Variants in TUBB4A observed in about 807,000 individuals in gnomAD.
TUBB4A encodes tubulin beta 4A class IVa, also known as tubulin beta-4A chain.
In TUBB4A, 13 loss-of-function variants were observed where a neutral mutation model predicts 35.1. The observed-to-expected ratio is 0.37, with a 90% CI of 0.24 to 0.59. TUBB4A has a LOEUF of 0.59. Ranked by LOEUF, TUBB4A falls within the 20% of genes least tolerant of loss-of-function variation. The probability of loss-of-function intolerance (pLI) is 0.71; values close to 1 mark genes in which losing one functional copy is unlikely to be tolerated. For missense variants in TUBB4A, 299 were observed against 647.2 expected (o/e 0.46, Z 5.84); for synonymous variants, 279 against 272.4 (o/e 1.02, Z -0.24).
At position 6,502,303 on chromosome 19, in the gene TUBB4A, G is replaced by A; in HGVS notation, c.-91C>T. On this transcript the variant is annotated 5_prime_UTR_variant, in exon 1 of 4. Coordinates refer to ENST00000264071, the MANE Select transcript of TUBB4A (RefSeq NM_006087.4). ...GGGTGGAAGATGCGGCGGAGACGGC[G>A]GAGCACGGTCCCTGCGCCCCCGGGA... 7.2e-7 allele frequency: 1 copy of A among 1,384,542 alleles called. No individual in the cohort carries two copies. Among genetic ancestry groups the A allele is most frequent in the East Asian group, 2.9e-5 (1 of 34,390 alleles). 85.8% of individuals were successfully genotyped at this position (1,384,542 alleles called of 1,614,324 possible). A position where few individuals can be genotyped will look rare whatever the true frequency, so the allele number is the denominator to read the frequency against.
rs985550961 is a variant in TUBB4A, at chr19:6,501,694, C to A, written c.58-71G>T. Reference sequence around the variant, plus strand: ...GGCCAAGCCGAGGACTGCCCCCAGCCCCCAACTAGCTCCCTAGCTGCCACC... The same window carrying A: ...GGCCAAGCCGAGGACTGCCCCCAGCACCCAACTAGCTCCCTAGCTGCCACC... On this transcript the variant is annotated intron_variant, in intron 1 of 3. Coordinates refer to ENST00000264071, the MANE Select transcript of TUBB4A (RefSeq NM_006087.4). This position sits in a 1 kb window ranked among gnomAD's most constrained non-coding sequence, Gnocchi z 4.2. 7.0e-6 allele frequency: 9 copies of A among 1,280,798 alleles called. No homozygotes were observed. The African/African-American group carries it at 1.3e-4, about 19-fold the overall frequency. 79.3% of individuals were successfully genotyped at this position (1,280,798 alleles called of 1,614,324 possible).
intron 3 of TUBB4A, among the ~76,000 whole-genome samples, chr19:6,497,520 C>T (rs1440108886): frequency 3.3e-5 from 5 of 151,916 alleles, no homozygotes; most frequent in African/African-American, 7.3e-5. Context: ...CCTGCCATGG[C>T]CTCCTAAAGT....
intron 1 of TUBB4A, 101 bp downstream of exon 1, chr19:6,502,055 T>G: frequency 7.5e-7 from 1 of 1,330,860 alleles, no homozygotes; most frequent in Non-Finnish European, 1.0e-6. Flanking sequence ...GGGGACCTCA[T>G]TCCTTTCCAA....
Position 6,495,117 on chromosome 19 carries a change from A to G in TUBB4A, c.*47T>C. 1.2e-6 allele frequency: 2 copies of G among 1,603,066 alleles called. No individual in the cohort carries two copies. Among genetic ancestry groups the G allele is most frequent in the South Asian group, 1.1e-5 (1 of 89,816 alleles). On this transcript the variant is annotated 3_prime_UTR_variant, in exon 4 of 4. Transcript: ENST00000264071. This position sits in a 1 kb window ranked among gnomAD's most constrained non-coding sequence, Gnocchi z 8.7. Reference sequence around the variant, plus strand: ...TCAGAGATGGGGGGCCTAGCGGATCAAAGGTCAGAAGCCTCGAGGGGACAG... The same window carrying G: ...TCAGAGATGGGGGGCCTAGCGGATCGAAGGTCAGAAGCCTCGAGGGGACAG...
At chr19:6,498,654 A>G (rs1239442880) in intron 3 of TUBB4A, among the ~76,000 whole-genome samples, 1 of 152,104 alleles carries the variant, frequency 6.6e-6, no homozygotes, top group Non-Finnish European at 1.5e-5. Flanking sequence ...CCCCCCAGGT[A>G]TTCACCTGAC....
Position 6,495,143 on chromosome 19 carries a change from G to A in TUBB4A, c.*21C>T. On this transcript the variant is annotated 3_prime_UTR_variant, in exon 4 of 4. Coordinates refer to ENST00000264071, the MANE Select transcript of TUBB4A (RefSeq NM_006087.4). This position sits in a 1 kb window ranked among gnomAD's most constrained non-coding sequence, Gnocchi z 8.7. Reference sequence around the variant, plus strand: ...AAGGTCAGAAGCCTCGAGGGGACAGGTGGGAAGCGATGGGAGCAGCCTAGG... The same window carrying A: ...AAGGTCAGAAGCCTCGAGGGGACAGATGGGAAGCGATGGGAGCAGCCTAGG... 1.2e-6 allele frequency: 2 copies of A among 1,612,382 alleles called. No homozygotes were observed. The highest frequency in any genetic ancestry group is 1.7e-4 in the Middle Eastern group (1 of 5,898).
In TUBB4A at chr19:6,496,275, T is replaced by A. The variant is rs539834029; in HGVS notation, c.278-54A>T. ...TGCAGTTATGGGGAGCCCCAACCCT[T>A]GACTCTGTCTCTCCACCACCTGGAG... On this transcript the variant is annotated intron_variant, in intron 3 of 3. Transcript: ENST00000264071. 3.3e-5 allele frequency: 50 copies of A among 1,519,428 alleles called. No homozygotes were observed. In the African/African-American group the frequency reaches 6.5e-4, roughly 20 times the overall value. 94.1% of individuals were successfully genotyped at this position (1,519,428 alleles called of 1,614,324 possible). A position where few individuals can be genotyped will look rare whatever the true frequency, so the allele number is the denominator to read the frequency against.
At chr19:6,499,371 G>T (rs1045766242) in intron 3 of TUBB4A, among the ~76,000 whole-genome samples, 1 of 151,888 alleles carries the variant, frequency 6.6e-6, no homozygotes, top group Non-Finnish European at 1.5e-5. Flanking sequence ...CCAGTGGCTT[G>T]CAGTGTGACT....
chr19:6,495,871 T>C lies in TUBB4A; in HGVS notation c.628A>G (p.Ile210Val). Reference sequence around the variant, plus strand: ...GTCAGCTTGAGGGTGCGGAAACAGATGTCGTAGAGTGCCTCGTTGTCGATG... The same window carrying C: ...GTCAGCTTGAGGGTGCGGAAACAGACGTCGTAGAGTGCCTCGTTGTCGATG... ...YCIDNEALYD[I>V]CFRTLKLTTP... is the part of the protein sequence containing the mutation. The change falls in exon 4 of 4, where the codon ATC becomes GTC. Residue 210 changes from isoleucine (I) to valine (V), a missense_variant. Coordinates refer to ENST00000264071, the MANE Select transcript of TUBB4A (RefSeq NM_006087.4). The surrounding 1 kb of genome is among the most constrained non-coding windows in gnomAD (Gnocchi z 8.7). 1 of 1,614,188 alleles carries C rather than the reference T, an allele frequency of 6.2e-7. No homozygotes were observed. The highest frequency in any genetic ancestry group is 8.5e-7 in the Non-Finnish European group (1 of 1,180,026).
upstream of TUBB4A, chr19:6,502,846 A>C (rs1316629926): frequency 6.6e-6 from 1 of 152,276 alleles, no homozygotes; most frequent in Non-Finnish European, 1.5e-5. Context: ...GAAGCTGCAT[A>C]GTAAAACCAC....
intron 3 of TUBB4A, among the ~76,000 whole-genome samples, chr19:6,499,031 AG>A (rs1317744356): frequency 6.6e-6 from 1 of 152,136 alleles, no homozygotes; most frequent in South Asian, 2.1e-4. Flanking sequence ...GAGCATTAAA[AG>A]TGTGGGCTCA....
chr19:6,496,821 A>G (rs1914223062), intron 3 of TUBB4A, among the ~76,000 whole-genome samples: 1 of 146,276 alleles, frequency 6.8e-6, no homozygotes. Context: ...ACTCCATCTC[A>G]AAAACACACA....
chr19:6,499,342 C>T (rs1325340931), intron 3 of TUBB4A, among the ~76,000 whole-genome samples: 1 of 151,846 alleles, frequency 6.6e-6, no homozygotes, highest in Non-Finnish European at 1.5e-5. Context: ...CAGACCCTCT[C>T]CTCTGGCTCC....
intron 3 of TUBB4A, 197 bp from the exon 4 acceptor site, chr19:6,496,418 A>G (rs982894337): frequency 3.7e-6 from 2 of 547,614 alleles, no homozygotes; most frequent in Non-Finnish European, 6.5e-6. Flanking sequence ...TCACGAGGTC[A>G]GGAGATCGAG....
At chr19:6,498,004 G>A (rs1220919415) in intron 3 of TUBB4A, among the ~76,000 whole-genome samples, 2 of 151,594 alleles carry the variant, frequency 1.3e-5, no homozygotes, top group African/African-American at 4.9e-5. Flanking sequence ...GAGGTCAGGA[G>A]ATCAAGACTA....
chr19:6,501,008 G>C lies in TUBB4A; in HGVS notation c.277+279C>G, dbSNP rs1387705312. Reference sequence around the variant, plus strand: ...TTGAATGCATGAAGTGGCAGAATTGGGATGTGCACCCAGGCAGTCTGGTTC... The same window carrying C: ...TTGAATGCATGAAGTGGCAGAATTGCGATGTGCACCCAGGCAGTCTGGTTC... On this transcript the variant is annotated intron_variant, in intron 3 of 3. Coordinates refer to ENST00000264071, the MANE Select transcript of TUBB4A (RefSeq NM_006087.4). This position sits in a 1 kb window ranked among gnomAD's most constrained non-coding sequence, Gnocchi z 4.2. 1 of 426,604 alleles carries C rather than the reference G, an allele frequency of 2.3e-6. No homozygotes were observed. Among genetic ancestry groups the C allele is most frequent in the Non-Finnish European group, 4.2e-6 (1 of 237,062 alleles). The allele number at this position is 426,604 out of a possible 1,614,324, so 26.4% of individuals were successfully genotyped here.
rs1188383944 is a variant in TUBB4A at position 6,496,025 on chromosome 19, C to T, written c.474G>A (p.Glu158=). ...AGGTGTTCATGATGCGGTCTGGGAA[C>T]TCCTCGCGGATCTTACTGATGAGCA... is the stretch of plus-strand genomic sequence containing the variant. ...GTLLISKIRE[E]FPDRIMNTFS... is the part of the protein sequence containing the mutation. Residue 158 remains glutamate, a synonymous_variant, in exon 4 of 4, where the codon GAG becomes GAA. Coordinates refer to ENST00000264071, the MANE Select transcript of TUBB4A (RefSeq NM_006087.4). 2 of 1,614,218 alleles carry T rather than the reference C, an allele frequency of 1.2e-6. No homozygotes were observed. Among genetic ancestry groups the T allele is most frequent in the Non-Finnish European group, 8.5e-7 (1 of 1,180,042 alleles).
chr19:6,502,044 TG>T, intron 1 of TUBB4A, 111 bp downstream of exon 1: 2 of 1,234,726 alleles, frequency 1.6e-6, no homozygotes, highest in Non-Finnish European at 2.2e-6. Context: ...GCTGGCCTCC[TG>T]GGGACCTCAT....
In TUBB4A at chr19:6,495,801, A is replaced by G. The variant is rs749939130; in HGVS notation, c.698T>C (p.Met233Thr). 2 of 1,614,200 alleles carry G rather than the reference A, an allele frequency of 1.2e-6. No homozygotes were observed. Among genetic ancestry groups the G allele is most frequent in the Non-Finnish European group, 1.7e-6 (2 of 1,180,022 alleles). The change falls in exon 4 of 4, where the codon ATG (methionine) becomes ACG (threonine). Residue 233 changes from methionine to threonine, a missense_variant. Met to Thr is a moderately conservative substitution (Grantham distance 81). This residue lies in a region of TUBB4A where 51 missense variants were observed against 100.3 expected (regional missense o/e 0.51). Transcript: ENST00000264071. This position sits in a 1 kb window ranked among gnomAD's most constrained non-coding sequence, Gnocchi z 8.7. ...GDLNHLVSATMSGVTTCLRFP... is the reference protein window; with the variant it reads ...GDLNHLVSATTSGVTTCLRFP... ...GCGCAGGCAGGTGGTGACCCCGCTC[A>G]TGGTGGCCGACACCAGGTGGTTGAG...
Sources: allele counts gnomAD v4.1 joint callset (sites outside exome capture counted in the v4.1 genomes callset), GRCh38; gene constraint gnomAD v4.1.1; regional missense constraint gnomAD v4.1.1; non-coding constraint Gnocchi (gnomAD v3.1); transcripts MANE v1.5; gene names NCBI Gene and HGNC (gene_info 2026-07-23, HGNC 2026-07-21).